The following FCER1G variants were observed in gnomAD, a reference collection of about 807,000 sequenced individuals.
The protein encoded by FCER1G is high affinity immunoglobulin epsilon receptor subunit gamma.
A neutral mutation model predicts 17.3 loss-of-function variants in FCER1G; 7 were observed. The observed-to-expected ratio is 0.40, with a 90% CI of 0.23 to 0.76. The LOEUF (loss-of-function observed/expected upper bound fraction) is 0.76. Ranked by LOEUF, FCER1G falls within the 30% of genes least tolerant of loss-of-function variation. The pLI, the probability that FCER1G is intolerant of heterozygous loss-of-function variation, is 0.35. For synonymous variants in FCER1G, 35 were observed against 38.7 expected (o/e 0.90, Z 0.35); for missense variants, 87 against 97.7 (o/e 0.89, Z 0.46).
chr1:161,219,049 C>T lies in FCER1G; in HGVS notation c.*106C>T, dbSNP rs1666110276. ...GCCATTAACACCAGCTGGCCCTACC[C>T]CTATAATGATCCTGTGTCCTAAATT... On this transcript the variant is annotated 3_prime_UTR_variant, in exon 5 of 5. Coordinates refer to ENST00000289902, the MANE Select transcript of FCER1G (RefSeq NM_004106.2). The T allele has an allele frequency of 2.5e-6, 2 of 801,340 alleles. No homozygotes were observed. The allele number at this position is 801,340 out of a possible 1,614,324, so 49.6% of individuals were successfully genotyped here.
intron 4 of FCER1G, 72 bp from the exon 5 acceptor site, chr1:161,218,809 G>A (rs993868847): frequency 1.3e-5 from 20 of 1,580,624 alleles, no homozygotes; most frequent in Non-Finnish European, 1.7e-5. Context: ...TGGGGGGAGG[G>A]GGGTCCTGTG....
Position 161,219,122 on chromosome 1 carries a change from T to G in FCER1G, c.*179T>G. ...TCCCTGTTAAAGACTAATGCTCAGA[T>G]GCTGTTTACGGATATTTATATTCTA... On this transcript the variant is annotated 3_prime_UTR_variant, in exon 5 of 5. Coordinates refer to ENST00000289902, the MANE Select transcript of FCER1G (RefSeq NM_004106.2). The G allele has an allele frequency of 1.6e-6, 1 of 606,800 alleles. No individual in the cohort carries two copies. Among genetic ancestry groups the G allele is most frequent in the East Asian group, 2.8e-5 (1 of 36,002 alleles). The allele number at this position is 606,800 out of a possible 1,614,324, so 37.6% of individuals were successfully genotyped here. A position where few individuals can be genotyped will look rare whatever the true frequency, so the allele number is the denominator to read the frequency against.
chr1:161,216,124 C>T (rs954490367), intron 1 of FCER1G, among the ~76,000 whole-genome samples: 4 of 151,784 alleles, frequency 2.6e-5, no homozygotes, highest in African/African-American at 9.7e-5. Flanking sequence ...CATGGGGTGC[C>T]TTTGGTCTTG....
At position 161,219,024 on chromosome 1, in the gene FCER1G, G is replaced by T; in HGVS notation, c.*81G>T. 9.6e-7 allele frequency: 1 copy of T among 1,044,302 alleles called. No homozygotes were observed. Among genetic ancestry groups the T allele is most frequent in the Non-Finnish European group, 1.5e-6 (1 of 663,258 alleles). 64.7% of individuals were successfully genotyped at this position (1,044,302 alleles called of 1,614,324 possible). A position where few individuals can be genotyped will look rare whatever the true frequency, so the allele number is the denominator to read the frequency against. The stretch of plus-strand genomic sequence containing the variant: ...TGGTTGGCATCACATATGCCTGCAT[G>T]CCATTAACACCAGCTGGCCCTACCC... On this transcript the variant is annotated 3_prime_UTR_variant, in exon 5 of 5. Transcript: ENST00000289902.
chr1:161,216,890 G>A (rs561149181), intron 1 of FCER1G, among the ~76,000 whole-genome samples: 12 of 152,340 alleles, frequency 7.9e-5, no homozygotes, highest in Admixed American at 2.6e-4. Flanking sequence ...GTCTGCTGCC[G>A]TGGGATGAGG....
At chr1:161,218,371 CCT>C in intron 3 of FCER1G, 95 bp downstream of exon 3, 1 of 1,044,688 alleles carries the variant, frequency 9.6e-7, no homozygotes, top group Non-Finnish European at 1.5e-6. Context: ...GGAGGGCCTG[CCT>C]CTCAGGTGCT....
chr1:161,216,425 T>G (rs12090858), intron 1 of FCER1G, among the ~76,000 whole-genome samples: 27,250 of 139,032 alleles, frequency 0.2, 3,530 homozygotes, highest in East Asian at 0.6. Context: ...TATATATATA[T>G]ATAGAGAGAG....
chr1:161,216,377 T>TACACACACACACACACACACACACAC (rs57711151), intron 1 of FCER1G, among the ~76,000 whole-genome samples: 2 of 120,512 alleles, frequency 1.7e-5, no homozygotes, highest in South Asian at 2.6e-4. Flanking sequence ...CACACACACA[T>TACACACACACACACACACACACACAC]ACACACACAC....
Position 161,218,265 on chromosome 1 carries a change from A to C in FCER1G, c.166A>C (p.Thr56Pro), listed in dbSNP as rs1450627913. The C allele has an allele frequency of 6.2e-7, 1 of 1,613,714 alleles. No individual in the cohort carries two copies. Among genetic ancestry groups the C allele is most frequent in the African/African-American group, 1.3e-5 (1 of 74,888 alleles). Reference sequence around the variant, plus strand: ...GATCCAAGTGCGAAAGGCAGCTATAACCAGCTATGAGGTATGGACCCTCCT... The same window carrying C: ...GATCCAAGTGCGAAAGGCAGCTATACCCAGCTATGAGGTATGGACCCTCCT... Reference protein sequence around the residue: ...LKIQVRKAAITSYEKSDGVYT... With the variant: ...LKIQVRKAAIPSYEKSDGVYT... The change falls in exon 3 of 5, where the codon ACC becomes CCC. Residue 56 changes from threonine (T) to proline (P), a missense_variant. Coordinates refer to ENST00000289902, the MANE Select transcript of FCER1G (RefSeq NM_004106.2).
intron 1 of FCER1G, among the ~76,000 whole-genome samples, chr1:161,217,597 C>G (rs1666076214): frequency 6.6e-6 from 1 of 152,090 alleles, no homozygotes. Context: ...CACTACCTCT[C>G]CCTCCCACTA....
rs144682477 is a variant in FCER1G at position 161,215,334 on chromosome 1, G to A, written c.13G>A (p.Val5Met). MIPA[V>M]VLLLLLLVEQ... The stretch of plus-strand genomic sequence containing the variant: ...TCTCCAGCCCAAGATGATTCCAGCA[G>A]TGGTCTTGCTCTTACTCCTTTTGGT... Residue 5 changes from valine to methionine, a missense_variant, in exon 1 of 5, where the codon GTG (valine) becomes ATG (methionine). Transcript: ENST00000289902. 1.3e-3 allele frequency: 2,118 copies of A among 1,613,878 alleles called. 4 individuals are homozygous for A. Among genetic ancestry groups the A allele is most frequent in the Non-Finnish European group, 1.7e-3 (2,021 of 1,179,834 alleles).
rs183675996 is a variant in FCER1G at position 161,219,135 on chromosome 1, T to C, written c.*192T>C. 181 of 593,152 alleles carry C rather than the reference T, an allele frequency of 3.1e-4. 1 individual carries two copies. In the East Asian group the frequency reaches 5.0e-3, roughly 16 times the overall value. The allele number at this position is 593,152 out of a possible 1,614,324, so 36.7% of individuals were successfully genotyped here. A position where few individuals can be genotyped will look rare whatever the true frequency, so the allele number is the denominator to read the frequency against. ...CTAATGCTCAGATGCTGTTTACGGA[T>C]ATTTATATTCTAGTCTCACTCTCTT... On this transcript the variant is annotated 3_prime_UTR_variant, in exon 5 of 5. Transcript: ENST00000289902.
At position 161,215,302 on chromosome 1, in the gene FCER1G, C is replaced by T. The variant is rs543677403; in HGVS notation, c.-20C>T. On this transcript the variant is annotated 5_prime_UTR_variant, in exon 1 of 5. In the 5' UTR this introduces an upstream ATG that the reference lacks. Coordinates refer to ENST00000289902, the MANE Select transcript of FCER1G (RefSeq NM_004106.2). ...GCACAGCTGCACAGTGCTGTCAGAA[C>T]GGCCGATCTCCAGCCCAAGATGATT... 21 of 1,612,944 alleles carry T rather than the reference C, an allele frequency of 1.3e-5. No homozygotes were observed. The highest frequency in any genetic ancestry group is 2.2e-5 in the East Asian group (1 of 44,846).
At chr1:161,216,446 A>G (rs1348875446) in intron 1 of FCER1G, among the ~76,000 whole-genome samples, 2 of 151,848 alleles carry the variant, frequency 1.3e-5, no homozygotes, top group Non-Finnish European at 2.9e-5. Context: ...AGAGAGAGAG[A>G]GAGATAACCC....
At chr1:161,218,376 C>G (rs931171560) in intron 3 of FCER1G, 100 bp downstream of exon 3, 1 of 1,003,410 alleles carries the variant, frequency 1.0e-6, no homozygotes, top group South Asian at 1.3e-5. Context: ...GCCTGCCTCT[C>G]AGGTGCTGAT....
chr1:161,217,925 C>G, intron 1 of FCER1G, 61 bp from the exon 2 acceptor site: 2 of 1,147,866 alleles, frequency 1.7e-6, no homozygotes, highest in South Asian at 2.5e-5. Context: ...TCCCTTCTCT[C>G]CTCTGAGTAC....
rs1558090400 is a variant in FCER1G at position 161,219,037 on chromosome 1, G to C, written c.*94G>C. On this transcript the variant is annotated 3_prime_UTR_variant, in exon 5 of 5. Coordinates refer to ENST00000289902, the MANE Select transcript of FCER1G (RefSeq NM_004106.2). The stretch of plus-strand genomic sequence containing the variant: ...ATATGCCTGCATGCCATTAACACCA[G>C]CTGGCCCTACCCCTATAATGATCCT... 4.4e-6 allele frequency: 4 copies of C among 913,222 alleles called. No homozygotes were observed. In the East Asian group the frequency reaches 9.6e-5, roughly 22 times the overall value. The allele number at this position is 913,222 out of a possible 1,614,324, so 56.6% of individuals were successfully genotyped here.
chr1:161,219,150 C>T lies in FCER1G; in HGVS notation c.*207C>T, dbSNP rs560632071. On this transcript the variant is annotated 3_prime_UTR_variant, in exon 5 of 5. Transcript: ENST00000289902. ...TGTTTACGGATATTTATATTCTAGT[C>T]TCACTCTCTTGTCCCACCCTTCTTC... 1.7e-5 allele frequency: 10 copies of T among 579,938 alleles called. No homozygotes were observed. In the East Asian group the frequency reaches 1.7e-4, roughly 10 times the overall value. 35.9% of individuals were successfully genotyped at this position (579,938 alleles called of 1,614,324 possible). A position where few individuals can be genotyped will look rare whatever the true frequency, so the allele number is the denominator to read the frequency against.
intron 3 of FCER1G, 85 bp from the exon 4 acceptor site, chr1:161,218,618 C>T: frequency 1.4e-6 from 2 of 1,468,794 alleles, no homozygotes; most frequent in Non-Finnish European, 1.9e-6. Context: ...CTGCCCACCC[C>T]CCATGCCTCC....
Sources: gnomAD v4.1 joint callset for allele counts (sites outside exome capture counted in the v4.1 genomes callset) on GRCh38, gnomAD v4.1.1 for gene constraint, MANE v1.5 for transcripts, NCBI Gene and HGNC (gene_info 2026-07-23, HGNC 2026-07-21) for gene names.